Variants in MEAF6 observed in about 807,000 individuals in gnomAD.
MEAF6 encodes chromatin modification-related protein MEAF6.
MEAF6 carries 15 observed loss-of-function variants against 28.9 expected under a neutral mutation model. The observed-to-expected ratio is 0.52, with a 90% CI of 0.35 to 0.80. The LOEUF is 0.80. MEAF6 is among the 30% of genes least tolerant of loss of function. The pLI, the probability that MEAF6 is intolerant of heterozygous loss-of-function variation, is 0.01. For missense variants in MEAF6, 178 were observed against 237.5 expected (o/e 0.75, Z 1.65); for synonymous variants, 97 against 88.7 (o/e 1.09, Z -0.53).
At chr1:37,496,736 G>A (rs1397240237) in intron 5 of MEAF6, 1 of 1,598,270 alleles carries the variant, frequency 6.3e-7, no homozygotes, top group African/African-American at 1.3e-5. Flanking sequence ...TGCCAGACGG[G>A]CTGAGGGGCA....
chr1:37,510,713 C>T (rs1161149875), intron 2 of MEAF6, among the ~76,000 whole-genome samples: 1 of 150,096 alleles, frequency 6.7e-6, no homozygotes, highest in Non-Finnish European at 1.5e-5. Flanking sequence ...TCTATTTTAC[C>T]TTATTTACTT....
intron 6 of MEAF6, among the ~76,000 whole-genome samples, chr1:37,494,945 C>T (rs1642066472): frequency 6.6e-6 from 1 of 151,864 alleles, no homozygotes; most frequent in South Asian, 2.1e-4. Context: ...ATCAATTTTG[C>T]TCTTATTAGA....
intron 5 of MEAF6, among the ~76,000 whole-genome samples, chr1:37,499,314 T>C (rs1569961205): frequency 6.6e-6 from 1 of 152,308 alleles, no homozygotes; most frequent in South Asian, 2.1e-4. Context: ...CTCATCTCAC[T>C]ATATGGGGTA....
chr1:37,495,569 G>A (rs937938632), intron 6 of MEAF6, among the ~76,000 whole-genome samples: 2 of 150,448 alleles, frequency 1.3e-5, no homozygotes, highest in Non-Finnish European at 3.0e-5. Flanking sequence ...AAGGTGGCAT[G>A]TACCTGTATT....
chr1:37,502,281 G>T (rs1335246828), intron 4 of MEAF6, among the ~76,000 whole-genome samples: 1 of 152,232 alleles, frequency 6.6e-6, no homozygotes, highest in Non-Finnish European at 1.5e-5. Flanking sequence ...TGGCTGTGTT[G>T]TCCAAGCTGG....
rs933541498 is a variant in MEAF6, at chr1:37,491,268, G to A, written c.*2831C>T. Among the ~76,000 whole-genome samples, 1 of 152,190 alleles carries A rather than the reference G, an allele frequency of 6.6e-6. No individual in the cohort carries two copies. Among genetic ancestry groups the A allele is most frequent in the Admixed American group, 6.5e-5 (1 of 15,282 alleles). The stretch of plus-strand genomic sequence containing the variant: ...GCCTGTAATCCCAGCACTTTGGGAG[G>A]CTGAGGTGGGTGGATTACCTGAGGT... On this transcript the variant is annotated 3_prime_UTR_variant, in exon 7 of 7. Coordinates refer to ENST00000296214, the MANE Select transcript of MEAF6 (RefSeq NM_001270875.3).
rs2148057612 is a variant in MEAF6 at position 37,493,658 on chromosome 1, A to G, written c.*441T>C. 7.7e-6 allele frequency: 7 copies of G among 913,826 alleles called. No homozygotes were observed. Among genetic ancestry groups the G allele is most frequent in the South Asian group, 4.7e-5 (3 of 63,844 alleles). 56.6% of individuals were successfully genotyped at this position (913,826 alleles called of 1,614,324 possible). On this transcript the variant is annotated 3_prime_UTR_variant, in exon 7 of 7. Coordinates refer to ENST00000296214, the MANE Select transcript of MEAF6 (RefSeq NM_001270875.3). Reference sequence around the variant, plus strand: ...TAAAAACAACAAGAGAAAAACAAGAAAACATAAAACAATATAAGAAAATGC... The same window carrying G: ...TAAAAACAACAAGAGAAAAACAAGAGAACATAAAACAATATAAGAAAATGC...
At position 37,514,693 on chromosome 1, in the gene MEAF6, C is replaced by T; in HGVS notation, c.54G>A (p.Glu18=). ...APPQIPDTRR[E]LAELVKRKQE... is the part of the protein sequence containing the mutation. ...GCTTCCGCTTCACGAGCTCCGCCAGCTCCCGCCGGGTGTCCGGGATCTGCG... is the reference window on the plus strand; with the variant it reads ...GCTTCCGCTTCACGAGCTCCGCCAGTTCCCGCCGGGTGTCCGGGATCTGCG... The change falls in exon 1 of 7, where the codon GAG becomes GAA. Residue 18 remains glutamate (E), a synonymous_variant. Coordinates refer to ENST00000296214, the MANE Select transcript of MEAF6 (RefSeq NM_001270875.3). The T allele has an allele frequency of 5.2e-6, 8 of 1,545,086 alleles. No homozygotes were observed. The highest frequency in any genetic ancestry group is 1.7e-4 in the Middle Eastern group (1 of 5,862).
At position 37,493,941 on chromosome 1, in the gene MEAF6, T is replaced by C; in HGVS notation, c.*158A>G. ...ATGTCTTACAGAAATGACTTGTTTG[T>C]CACCACATTTAGAACAAACTACTCA... On this transcript the variant is annotated 3_prime_UTR_variant, in exon 7 of 7. Transcript: ENST00000296214. The C allele has an allele frequency of 6.3e-7, 1 of 1,575,974 alleles. No homozygotes were observed. The highest frequency in any genetic ancestry group is 1.2e-5 in the South Asian group (1 of 85,574).
intron 5 of MEAF6, among the ~76,000 whole-genome samples, chr1:37,497,844 G>A (rs186787380): frequency 3.8e-4 from 58 of 152,044 alleles, no homozygotes; most frequent in Non-Finnish European, 7.1e-4. Flanking sequence ...CATCTGCCTC[G>A]GCCCCCTAAA....
At position 37,491,915 on chromosome 1, in the gene MEAF6, C is replaced by CT. The variant is rs1168160086; in HGVS notation, c.*2183dup. Among the ~76,000 whole-genome samples, 30,987 of 132,712 alleles carry CT rather than the reference C, an allele frequency of 0.23. 3,721 individuals carry two copies. Among genetic ancestry groups the CT allele is most frequent in the Non-Finnish European group, 0.28 (17,302 of 61,948 alleles). 87.1% of individuals were successfully genotyped at this position (132,712 alleles called of 152,430 possible). A position where few individuals can be genotyped will look rare whatever the true frequency, so the allele number is the denominator to read the frequency against. On this transcript the variant is annotated 3_prime_UTR_variant, in exon 7 of 7. Coordinates refer to ENST00000296214, the MANE Select transcript of MEAF6 (RefSeq NM_001270875.3). ...CTTTTTAAGAGCAGTACTATTCTTT[C>CT]TTTTTTTTTTTTTTTTTGACAGAGT...
rs1641958575 is a variant in MEAF6, at chr1:37,492,220, G to T, written c.*1879C>A. Among the ~76,000 whole-genome samples, 1 of 151,976 alleles carries T rather than the reference G, an allele frequency of 6.6e-6. No homozygotes were observed. Among genetic ancestry groups the T allele is most frequent in the Non-Finnish European group, 1.5e-5 (1 of 67,986 alleles). ...ATTTTTTGCATTTTTAGTAGAGATG[G>T]GGTTTCACTGTGTTCGCCAGGATGG... On this transcript the variant is annotated 3_prime_UTR_variant, in exon 7 of 7. Coordinates refer to ENST00000296214, the MANE Select transcript of MEAF6 (RefSeq NM_001270875.3).
chr1:37,504,800 TACACACAC>T (rs143477333), intron 4 of MEAF6, among the ~76,000 whole-genome samples: 42 of 135,178 alleles, frequency 3.1e-4, no homozygotes, highest in East Asian at 2.1e-3. Context: ...AAAATTTATA[TACACACAC>T]ACACACACAC....
chr1:37,508,194 C>T (rs573542402), intron 4 of MEAF6, among the ~76,000 whole-genome samples: 1 of 149,724 alleles, frequency 6.7e-6, no homozygotes, highest in African/African-American at 2.5e-5. Context: ...AGATATAATT[C>T]GTTTACAGAG....
intron 5 of MEAF6, among the ~76,000 whole-genome samples, chr1:37,499,146 G>A (rs1426836808): frequency 6.6e-6 from 1 of 151,450 alleles, no homozygotes; most frequent in African/African-American, 2.4e-5. Flanking sequence ...GCAAGACCTT[G>A]TTTCAAGAAA....
intron 5 of MEAF6, chr1:37,496,586 C>A: frequency 2.0e-6 from 3 of 1,468,350 alleles, no homozygotes; most frequent in Non-Finnish European, 1.8e-6. Context: ...AACTTCCCAG[C>A]CTAACCTAAT....
chr1:37,513,689 G>T (rs1265107228), intron 1 of MEAF6, 151 bp from the exon 2 acceptor site: 12 of 668,036 alleles, frequency 1.8e-5, no homozygotes, highest in Non-Finnish European at 3.0e-5. Flanking sequence ...GGGAGGAGGA[G>T]CCGTTTAGGA....
chr1:37,503,145 C>A (rs887547748), intron 4 of MEAF6, among the ~76,000 whole-genome samples: 1 of 152,020 alleles, frequency 6.6e-6, no homozygotes, highest in African/African-American at 2.4e-5. Flanking sequence ...CTATGTTGCC[C>A]AGGCTGGTCT....
At chr1:37,498,224 T>G (rs765171464) in intron 5 of MEAF6, among the ~76,000 whole-genome samples, 10 of 152,150 alleles carry the variant, frequency 6.6e-5, no homozygotes, top group Admixed American at 1.3e-4. Context: ...ATAGTTTCAC[T>G]TTAGACATTT....
Sources: gnomAD v4.1 joint callset for allele counts (sites outside exome capture counted in the v4.1 genomes callset) on GRCh38, gnomAD v4.1.1 for gene constraint, MANE v1.5 for transcripts, NCBI Gene and HGNC (gene_info 2026-07-23, HGNC 2026-07-21) for gene names.